Variants in KIAA1217 observed in about 807,000 individuals in gnomAD.
KIAA1217 encodes the protein KIAA1217.
In KIAA1217, 88 loss-of-function variants were observed where a neutral mutation model predicts 163.9. That is an observed-to-expected ratio of 0.54 (90% CI 0.45 to 0.64). The LOEUF is 0.64. Ranked by LOEUF, KIAA1217 falls within the 30% of genes least tolerant of loss-of-function variation. KIAA1217 has a pLI of 0.00. For synonymous variants in KIAA1217, 903 were observed against 923.1 expected (o/e 0.98, Z 0.39); for missense variants, 2,372 against 2,475.0 (o/e 0.96, Z 0.88).
chr10:23,804,839 A>T (rs1836659705), intron 1 of KIAA1217, among the ~76,000 whole-genome samples: 1 of 152,184 alleles, frequency 6.6e-6, no homozygotes, highest in East Asian at 1.9e-4. Context: ...TCATGTATTT[A>T]ATGACACCTT....
At chr10:24,320,825 C>T (rs1219029409) in intron 2 of KIAA1217, among the ~76,000 whole-genome samples, 2 of 151,838 alleles carry the variant, frequency 1.3e-5, no homozygotes, top group Non-Finnish European at 2.9e-5. Flanking sequence ...GGGCGGATCA[C>T]GAGGTCGGGA....
At chr10:24,118,058 C>T (rs1183655155) in intron 2 of KIAA1217, among the ~76,000 whole-genome samples, 1 of 151,630 alleles carries the variant, frequency 6.6e-6, no homozygotes, top group Non-Finnish European at 1.5e-5. Context: ...TGCTTAGTAC[C>T]CGGGGTGACC....
At chr10:23,916,353 G>A (rs1038844328) in intron 1 of KIAA1217, among the ~76,000 whole-genome samples, 1 of 152,140 alleles carries the variant, frequency 6.6e-6, no homozygotes, top group Admixed American at 6.5e-5. Context: ...TCTTACTCTG[G>A]CTCTAAGCAA....
intron 1 of KIAA1217, among the ~76,000 whole-genome samples, chr10:23,774,652 A>G (rs564342465): frequency 6.6e-6 from 1 of 152,212 alleles, no homozygotes; most frequent in Non-Finnish European, 1.5e-5. Context: ...CAGCTCTAAC[A>G]TCAGCCAGGG....
At position 23,835,044 on chromosome 10, in the gene KIAA1217, G is replaced by T. The variant is rs890959886; in HGVS notation, c.-321+139810G>T. ...ACGTCTAGGCTGGGAGTTGGGATAT[G>T]GGGTAATTGGGCCATGGGACTGAAT... is the stretch of plus-strand genomic sequence containing the variant. On this transcript the variant is annotated intron_variant, in intron 1 of 18. Coordinates refer to the KIAA1217 transcript ENST00000376462. 2.6e-5 allele frequency among the ~76,000 whole-genome samples: 4 copies of T among 152,090 alleles called. No homozygotes were observed. The East Asian group carries it at 7.7e-4, about 29-fold the overall frequency.
chr10:23,706,039 A>G (rs1351120111), intron 1 of KIAA1217, among the ~76,000 whole-genome samples: 4 of 152,098 alleles, frequency 2.6e-5, no homozygotes, highest in African/African-American at 4.8e-5. Flanking sequence ...TTGTTTGCTT[A>G]ATTTGATTTT....
intron 2 of KIAA1217, among the ~76,000 whole-genome samples, chr10:24,049,369 G>C (rs1354613153): frequency 2.6e-5 from 4 of 152,112 alleles, no homozygotes; most frequent in African/African-American, 9.7e-5. Context: ...GAAACCTAAA[G>C]ATCGTATAAA....
chr10:24,474,308 C>T (rs2063797222), intron 6 of KIAA1217, among the ~76,000 whole-genome samples: 1 of 152,196 alleles, frequency 6.6e-6, no homozygotes, highest in African/African-American at 2.4e-5. Context: ...AGTAATCAGT[C>T]CCTTGTGCCT....
chr10:23,732,599 G>T (rs1033394092), intron 1 of KIAA1217, among the ~76,000 whole-genome samples: 1 of 151,826 alleles, frequency 6.6e-6, no homozygotes, highest in African/African-American at 2.4e-5. Context: ...ATCCGCTTTT[G>T]GTTTCATTGA....
At chr10:23,883,061 T>C (rs1396124158) in intron 1 of KIAA1217, among the ~76,000 whole-genome samples, 4 of 151,910 alleles carry the variant, frequency 2.6e-5, no homozygotes. Flanking sequence ...TCATGCACCA[T>C]TTGTTAAAAA....
At chr10:23,796,644 T>C (rs1588839278) in intron 1 of KIAA1217, among the ~76,000 whole-genome samples, 1 of 152,110 alleles carries the variant, frequency 6.6e-6, no homozygotes, top group African/African-American at 2.4e-5. Context: ...ATTATAGGCA[T>C]GAATCACTGC....
intron 13 of KIAA1217, among the ~76,000 whole-genome samples, chr10:24,526,366 G>A (rs1456848159): frequency 1.3e-5 from 2 of 152,158 alleles, no homozygotes; most frequent in Non-Finnish European, 2.9e-5. Context: ...GATTGACAGA[G>A]TGTGATTCTA....
intron 9 of KIAA1217, among the ~76,000 whole-genome samples, chr10:24,509,237 G>A (rs2068768576): frequency 1.3e-5 from 2 of 152,172 alleles, no homozygotes; most frequent in African/African-American, 2.4e-5. Context: ...CCTGCAGCCT[G>A]GAGACAGTGG....
Position 23,825,447 on chromosome 10 carries a change from C to T in KIAA1217, c.-321+130213C>T, listed in dbSNP as rs143908399. On this transcript the variant is annotated intron_variant, in intron 1 of 18. Transcript: ENST00000376462. ...ATGCTAATTAATCTATATTGATGAA[C>T]ATATATGTAAATAATAGTGATAAAT... Among the ~76,000 whole-genome samples, 790 of 152,216 alleles carry T rather than the reference C, an allele frequency of 5.2e-3. 5 individuals are homozygous for T. The highest frequency in any genetic ancestry group is 0.018 in the African/African-American group (764 of 41,532).
Position 24,170,050 on chromosome 10 carries a change from A to G in KIAA1217, c.-170-49576A>G, listed in dbSNP as rs2065552239. Among the ~76,000 whole-genome samples, 3 of 152,232 alleles carry G rather than the reference A, an allele frequency of 2.0e-5. No individual in the cohort carries two copies. The South Asian group carries it at 6.2e-4, about 31-fold the overall frequency. On this transcript the variant is annotated intron_variant, in intron 2 of 18. Coordinates refer to the KIAA1217 transcript ENST00000376462. ...TGCAGCTCTCTGCTAGCCATGGAAAATGTAGATTTTATGCTAGTAAAGACA... is the reference window on the plus strand; with the variant it reads ...TGCAGCTCTCTGCTAGCCATGGAAAGTGTAGATTTTATGCTAGTAAAGACA...
intron 1 of KIAA1217, among the ~76,000 whole-genome samples, chr10:23,900,287 C>G (rs770044751): frequency 1.3e-5 from 2 of 152,010 alleles, no homozygotes; most frequent in Non-Finnish European, 2.9e-5. Flanking sequence ...ATTACAAGCA[C>G]GAGCCACCAC....
chr10:24,130,843 T>G (rs1314648212), intron 2 of KIAA1217, among the ~76,000 whole-genome samples: 1 of 152,204 alleles, frequency 6.6e-6, no homozygotes, highest in Non-Finnish European at 1.5e-5. Flanking sequence ...GGCTATCTTA[T>G]GGTTACCTCT....
Position 24,536,787 on chromosome 10 carries a change from G to T in KIAA1217, c.3428G>T (p.Cys1143Phe). ...IMAELQAFQK[C>F]SFMDVNSNSH... ...TTAATTCCTTAGGCATTCCAGAAGTGTTCCTTTATGGATGTAAATTCAAAC... is the reference window on the plus strand; with the variant it reads ...TTAATTCCTTAGGCATTCCAGAAGTTTTCCTTTATGGATGTAAATTCAAAC... Residue 1143 changes from cysteine to phenylalanine, a missense_variant, in exon 17 of 21, where the codon TGT becomes TTT. Cys to Phe is a radical substitution (Grantham distance 205, BLOSUM62 -2). Transcript: ENST00000376454. 6.2e-7 allele frequency: 1 copy of T among 1,613,698 alleles called. No homozygotes were observed. The highest frequency in any genetic ancestry group is 1.1e-5 in the South Asian group (1 of 91,054).
At chr10:24,048,200 G>A (rs1589294218) in intron 2 of KIAA1217, among the ~76,000 whole-genome samples, 1 of 152,152 alleles carries the variant, frequency 6.6e-6, no homozygotes, top group African/African-American at 2.4e-5. Context: ...AGTTCGTCCA[G>A]ATCCATGTAT....
Sources: gnomAD v4.1 joint callset for allele counts (sites outside exome capture counted in the v4.1 genomes callset) on GRCh38, gnomAD v4.1.1 for gene constraint, MANE v1.5 for transcripts, NCBI Gene and HGNC (gene_info 2026-07-23, HGNC 2026-07-21) for gene names.